The following CMTM7 variants were observed in gnomAD, a reference collection of about 807,000 sequenced individuals.
The protein encoded by CMTM7 is CKLF like MARVEL transmembrane domain containing 7.
Under a neutral mutation model 19.3 loss-of-function variants are expected in CMTM7, and 7 were observed. The ratio of observed to expected loss-of-function variants is 0.36; its 90% CI spans 0.21 to 0.68. CMTM7 has a LOEUF of 0.68. Among genes scored for constraint, CMTM7 ranks in the 30% least tolerant of loss-of-function variants. CMTM7 has a pLI of 0.60. For missense variants in CMTM7, 193 were observed against 232.6 expected, an observed-to-expected ratio of 0.83 and a Z score of 1.11; for synonymous variants, 87 against 99.3, an observed-to-expected ratio of 0.88 and a Z score of 0.74.
intron 1 of CMTM7, among the ~76,000 whole-genome samples, chr3:32,399,741 C>G (rs1321243931): frequency 6.6e-6 from 1 of 152,178 alleles, no homozygotes; most frequent in East Asian, 1.9e-4. Flanking sequence ...TGTCCTACTT[C>G]CTGGAAGTTG....
At chr3:32,424,637 GTTT>G (rs35838426) in intron 1 of CMTM7, among the ~76,000 whole-genome samples, 1 of 144,730 alleles carries the variant, frequency 6.9e-6, no homozygotes, top group Non-Finnish European at 1.5e-5. Context: ...TTGGGGAAAG[GTTT>G]TTTTTTTTTT....
chr3:32,416,876 T>G (rs1696275221), intron 1 of CMTM7, among the ~76,000 whole-genome samples: 1 of 152,174 alleles, frequency 6.6e-6, no homozygotes, highest in African/African-American at 2.4e-5. Flanking sequence ...TTTTACAAAG[T>G]GTACTAAGGG....
At chr3:32,441,531 TTTG>T (rs1696675304) in intron 1 of CMTM7, among the ~76,000 whole-genome samples, 1 of 152,206 alleles carries the variant, frequency 6.6e-6, no homozygotes, top group South Asian at 2.1e-4. Flanking sequence ...ATGGTTCTGC[TTTG>T]TTATTTTCTT....
chr3:32,449,420 C>T lies in CMTM7; in HGVS notation c.334-34C>T, dbSNP rs1470249996. The T allele has an allele frequency of 2.7e-6, 4 of 1,461,504 alleles. No individual in the cohort carries two copies. The highest frequency in any genetic ancestry group is 3.8e-6 in the Non-Finnish European group (4 of 1,040,830). 90.5% of individuals were successfully genotyped at this position (1,461,504 alleles called of 1,614,324 possible). On this transcript the variant is annotated intron_variant, in intron 2 of 4. Coordinates refer to ENST00000334983, the MANE Select transcript of CMTM7 (RefSeq NM_138410.4). The surrounding 1 kb of genome is among the most constrained non-coding windows in gnomAD (Gnocchi z 4.5). ...TCTTCCCGGACCAGAAATGGACGGC[C>T]CTACCCACTTATTTGCTTTGTTTCT...
At chr3:32,447,773 G>C (rs78765438) in intron 2 of CMTM7, among the ~76,000 whole-genome samples, 1 of 151,918 alleles carries the variant, frequency 6.6e-6, no homozygotes, top group Non-Finnish European at 1.5e-5. Flanking sequence ...TGTTGTTTGC[G>C]TGCCATTTCC....
chr3:32,396,022 A>G (rs1455833665), intron 1 of CMTM7, among the ~76,000 whole-genome samples: 1 of 152,196 alleles, frequency 6.6e-6, no homozygotes. Context: ...CTAAGCTGTG[A>G]AAAAAAGCCA....
At chr3:32,406,012 A>G (rs1480310758) in intron 1 of CMTM7, among the ~76,000 whole-genome samples, 2 of 152,228 alleles carry the variant, frequency 1.3e-5, no homozygotes, top group African/African-American at 4.8e-5. Flanking sequence ...ACAGGAGGCT[A>G]CTGGTGATAC....
At chr3:32,396,414 G>A (rs1282650316) in intron 1 of CMTM7, among the ~76,000 whole-genome samples, 1 of 152,168 alleles carries the variant, frequency 6.6e-6, no homozygotes, top group East Asian at 1.9e-4. Flanking sequence ...AGCTGAGGCA[G>A]GAGAATTGCT....
intron 1 of CMTM7, among the ~76,000 whole-genome samples, chr3:32,437,011 T>C (rs1472396791): frequency 1.3e-5 from 2 of 152,186 alleles, no homozygotes; most frequent in Non-Finnish European, 2.9e-5. Context: ...GTTGCGGGTG[T>C]ACACTCAAGC....
intron 1 of CMTM7, among the ~76,000 whole-genome samples, chr3:32,415,452 C>G (rs1028659258): frequency 6.6e-6 from 1 of 152,174 alleles, no homozygotes; most frequent in Non-Finnish European, 1.5e-5. Flanking sequence ...AGTAGGCCCT[C>G]CCGTTGGGAT....
chr3:32,394,576 A>G (rs887997108), intron 1 of CMTM7, among the ~76,000 whole-genome samples: 4 of 152,196 alleles, frequency 2.6e-5, no homozygotes, highest in Non-Finnish European at 4.4e-5. Flanking sequence ...TGTACTTGAC[A>G]TGTCATTTAT....
intron 1 of CMTM7, among the ~76,000 whole-genome samples, chr3:32,413,918 A>G (rs11914839): frequency 0.016 from 2,465 of 152,134 alleles, 76 homozygotes; most frequent in African/African-American, 0.056. Context: ...ATTGATGTCC[A>G]CCAAAGGGAC....
At chr3:32,423,138 G>T (rs1036900707) in intron 1 of CMTM7, among the ~76,000 whole-genome samples, 1 of 152,226 alleles carries the variant, frequency 6.6e-6, no homozygotes, top group Admixed American at 6.5e-5. Flanking sequence ...ATCTGATCTG[G>T]GCTGGCTTCT....
chr3:32,433,820 A>G (rs1378981267), intron 1 of CMTM7, among the ~76,000 whole-genome samples: 1 of 152,214 alleles, frequency 6.6e-6, no homozygotes, highest in Non-Finnish European at 1.5e-5. Context: ...TCCAGAAGAT[A>G]GGTTAATACA....
At chr3:32,403,754 ATGT>A (rs1696046300) in intron 1 of CMTM7, among the ~76,000 whole-genome samples, 1 of 152,014 alleles carries the variant, frequency 6.6e-6, no homozygotes, top group African/African-American at 2.4e-5. Flanking sequence ...ACTGAAAATG[ATGT>A]TGTGATCACT....
intron 1 of CMTM7, among the ~76,000 whole-genome samples, chr3:32,430,494 C>G (rs1471356844): frequency 6.6e-6 from 1 of 152,172 alleles, no homozygotes; most frequent in Non-Finnish European, 1.5e-5. Flanking sequence ...GACTTATTGA[C>G]ATCCTACTAT....
intron 2 of CMTM7, among the ~76,000 whole-genome samples, chr3:32,444,828 G>GCAT (rs774973507): frequency 1.3e-5 from 2 of 152,076 alleles, no homozygotes; most frequent in African/African-American, 2.4e-5. Flanking sequence ...ATAGCTCCCT[G>GCAT]CATCCTCAAA....
intron 1 of CMTM7, among the ~76,000 whole-genome samples, chr3:32,410,051 C>T (rs1382316963): frequency 6.6e-6 from 1 of 152,150 alleles, no homozygotes; most frequent in African/African-American, 2.4e-5. Context: ...CAAAAACAAA[C>T]CCAGGTCTAG....
intron 1 of CMTM7, among the ~76,000 whole-genome samples, chr3:32,405,933 C>A: frequency 6.6e-6 from 1 of 152,272 alleles, no homozygotes; most frequent in Middle Eastern, 3.4e-3. Flanking sequence ...GAATAGATAA[C>A]GTTTACACGA....
Sources: allele counts gnomAD v4.1 joint callset (sites outside exome capture counted in the v4.1 genomes callset), GRCh38; gene constraint gnomAD v4.1.1; non-coding constraint Gnocchi (gnomAD v3.1); transcripts MANE v1.5; gene names NCBI Gene and HGNC (gene_info 2026-07-23, HGNC 2026-07-21).